Variants in CFAP61 observed in about 807,000 individuals in gnomAD.
CFAP61 encodes cilia- and flagella-associated protein 61.
A neutral mutation model predicts 135.6 loss-of-function variants in CFAP61; 107 were observed. That is an observed-to-expected ratio of 0.79 (90% CI 0.67 to 0.93). The LOEUF is 0.93. Ranked by LOEUF, CFAP61 falls within the 40% of genes least tolerant of loss-of-function variation. CFAP61 has a pLI of 0.00. For synonymous variants in CFAP61, 575 were observed against 578.5 expected, an observed-to-expected ratio of 0.99 and a Z score of 0.09; for missense variants, 1,507 against 1,556.2, an observed-to-expected ratio of 0.97 and a Z score of 0.53.
intron 24 of CFAP61, among the ~76,000 whole-genome samples, chr20:20,297,715 C>T (rs1030626683): frequency 6.6e-6 from 1 of 152,268 alleles, no homozygotes; most frequent in Non-Finnish European, 1.5e-5. Flanking sequence ...CAATCCCCGC[C>T]ATCAGGCCTG....
Position 20,075,195 on chromosome 20 carries a change from G to A in CFAP61, c.378G>A (p.Val126=), listed in dbSNP as rs759186446. ...CCCTCTCTTTCCTCACCAGAACCGT[G>A]TATAAGGCAGTGCCAGAGCTGCACT... ...VGCCKEILRT[V]YKAVPELHFI... Residue 126 remains valine (V), a synonymous_variant, in exon 5 of 27, where the codon GTG becomes GTA. Transcript: ENST00000245957. The A allele has an allele frequency of 6.2e-7, 1 of 1,614,092 alleles. No homozygotes were observed. The highest frequency in any genetic ancestry group is 8.5e-7 in the Non-Finnish European group (1 of 1,180,002).
intron 14 of CFAP61, among the ~76,000 whole-genome samples, chr20:20,188,443 A>G (rs2055670880): frequency 6.6e-6 from 1 of 152,172 alleles, no homozygotes; most frequent in Admixed American, 6.5e-5. Flanking sequence ...AGCACTGGGT[A>G]CCAGATTGAG....
chr20:20,356,518 A>G (rs1602179808), intron 26 of CFAP61, among the ~76,000 whole-genome samples: 1 of 106,852 alleles, frequency 9.4e-6, no homozygotes, highest in Non-Finnish European at 1.9e-5. Context: ...CACTGAGGGG[A>G]GGTGGTCACA....
At chr20:20,201,210 C>G (rs911314450) in intron 17 of CFAP61, among the ~76,000 whole-genome samples, 1 of 152,160 alleles carries the variant, frequency 6.6e-6, no homozygotes, top group Non-Finnish European at 1.5e-5. Context: ...GCTATAAAAG[C>G]TTCTGAATGC....
At position 20,210,295 on chromosome 20, in the gene CFAP61, C is replaced by T. The variant is rs139496920; in HGVS notation, c.1932+10393C>T. 2.0e-5 allele frequency among the ~76,000 whole-genome samples: 3 copies of T among 152,332 alleles called. No individual in the cohort carries two copies. The East Asian group carries it at 5.8e-4, about 29-fold the overall frequency. On this transcript the variant is annotated intron_variant, in intron 17 of 26. Transcript: ENST00000245957. ...TTCTCCTTCTTCCCCTCTGGCTTTCCTCCTCCTGGTCCTCAGACAGTGGGC... is the reference window on the plus strand; with the variant it reads ...TTCTCCTTCTTCCCCTCTGGCTTTCTTCCTCCTGGTCCTCAGACAGTGGGC...
intron 2 of CFAP61, among the ~76,000 whole-genome samples, chr20:20,063,513 TAAAC>T (rs1568807224): frequency 1.3e-5 from 2 of 152,170 alleles, no homozygotes; most frequent in African/African-American, 4.8e-5. Context: ...ATAATCTCAA[TAAAC>T]AGAGACAAAA....
At chr20:20,245,708 A>G (rs2050400691) in intron 18 of CFAP61, among the ~76,000 whole-genome samples, 1 of 152,226 alleles carries the variant, frequency 6.6e-6, no homozygotes, top group East Asian at 1.9e-4. Context: ...TAGATGGGGT[A>G]ATGAGCCATG....
chr20:20,185,645 G>C (rs531011771), intron 13 of CFAP61, among the ~76,000 whole-genome samples: 1 of 152,294 alleles, frequency 6.6e-6, no homozygotes, highest in Non-Finnish European at 1.5e-5. Context: ...TTTGGGGGAT[G>C]TAGTGTACTT....
chr20:20,224,543 T>G (rs1317231212), intron 17 of CFAP61, among the ~76,000 whole-genome samples: 1 of 152,230 alleles, frequency 6.6e-6, no homozygotes, highest in African/African-American at 2.4e-5. Context: ...CTGTATGGTT[T>G]GTTTTATCTT....
At chr20:20,255,700 A>G (rs907759880) in intron 20 of CFAP61, among the ~76,000 whole-genome samples, 4 of 152,168 alleles carry the variant, frequency 2.6e-5, no homozygotes, top group African/African-American at 9.7e-5. Context: ...AGCACCTACT[A>G]TATAGAGATC....
At chr20:20,263,210 G>A (rs2052413642) in intron 21 of CFAP61, 80 bp downstream of exon 21, 3 of 1,037,086 alleles carry the variant, frequency 2.9e-6, no homozygotes. Flanking sequence ...TCTAGTTCCA[G>A]TATATAATTA....
chr20:20,166,053 G>C (rs1380393021), intron 11 of CFAP61, among the ~76,000 whole-genome samples: 2 of 152,192 alleles, frequency 1.3e-5, no homozygotes, highest in Non-Finnish European at 2.9e-5. Context: ...AGATAAAAGG[G>C]AAACAGATCA....
intron 26 of CFAP61, among the ~76,000 whole-genome samples, chr20:20,345,852 G>A (rs777427376): frequency 3.4e-4 from 51 of 148,274 alleles, no homozygotes; most frequent in Non-Finnish European, 6.8e-4. Context: ...AACTCAGGAG[G>A]CAGAGGTTGT....
At chr20:20,061,749 G>C (rs992656889) in intron 2 of CFAP61, among the ~76,000 whole-genome samples, 6 of 152,228 alleles carry the variant, frequency 3.9e-5, no homozygotes, top group Middle Eastern at 6.3e-3. Context: ...TCTCCCTGCT[G>C]TAGTCCCCAT....
At chr20:20,210,302 T>C (rs934655168) in intron 17 of CFAP61, among the ~76,000 whole-genome samples, 1 of 152,232 alleles carries the variant, frequency 6.6e-6, no homozygotes, top group Non-Finnish European at 1.5e-5. Context: ...TTCCTCCTCC[T>C]GGTCCTCAGA....
At chr20:20,161,857 A>G (rs1334741434) in intron 10 of CFAP61, among the ~76,000 whole-genome samples, 1 of 152,068 alleles carries the variant, frequency 6.6e-6, no homozygotes, top group African/African-American at 2.4e-5. Flanking sequence ...AGGAATCCAC[A>G]GCCCCTCCTC....
chr20:20,181,956 A>G (rs747712005), intron 13 of CFAP61, among the ~76,000 whole-genome samples: 2 of 152,210 alleles, frequency 1.3e-5, no homozygotes, highest in African/African-American at 4.8e-5. Flanking sequence ...GCAACTTCCT[A>G]TTGAAAACTT....
At chr20:20,290,041 C>T (rs1009159343) in intron 23 of CFAP61, among the ~76,000 whole-genome samples, 1 of 152,228 alleles carries the variant, frequency 6.6e-6, no homozygotes, top group Non-Finnish European at 1.5e-5. Flanking sequence ...CGGATAATCA[C>T]AGGATACACA....
intron 13 of CFAP61, among the ~76,000 whole-genome samples, chr20:20,186,600 A>G (rs1276619717): frequency 6.6e-6 from 1 of 152,190 alleles, no homozygotes; most frequent in African/African-American, 2.4e-5. Context: ...ATTTTGGTGT[A>G]AGGTGGTCAT....
Sources: gnomAD v4.1 joint callset for allele counts (sites outside exome capture counted in the v4.1 genomes callset) on GRCh38, gnomAD v4.1.1 for gene constraint, MANE v1.5 for transcripts, NCBI Gene and HGNC (gene_info 2026-07-23, HGNC 2026-07-21) for gene names.